ATP9A: variants seen among roughly 807,000 people sequenced by gnomAD.
ATP9A encodes the protein ATPase phospholipid transporting 9A, also known as probable phospholipid-transporting ATPase IIA.
ATP9A carries 52 observed loss-of-function variants against 144.1 expected under a neutral mutation model. That is an observed-to-expected ratio of 0.36 (90% CI 0.29 to 0.45). ATP9A has a LOEUF of 0.45. Among genes scored for constraint, ATP9A ranks in the 20% least tolerant of loss-of-function variants. The pLI is 1.00. For missense variants in ATP9A, 947 were observed against 1,392.7 expected (o/e 0.68, Z 5.09); for synonymous variants, 582 against 557.4 (o/e 1.04, Z -0.62).
At chr20:51,725,955 AG>A (rs771680911) in intron 2 of ATP9A, 23 bp from the exon 3 acceptor site, 114 of 1,369,486 alleles carry the variant, frequency 8.3e-5, no homozygotes, top group Middle Eastern at 3.6e-4. Flanking sequence ...GAGACAACAG[AG>A]AAAGACATTC....
At chr20:51,749,289 G>A (rs1021662987) in intron 1 of ATP9A, among the ~76,000 whole-genome samples, 1 of 151,934 alleles carries the variant, frequency 6.6e-6, no homozygotes, top group African/African-American at 2.4e-5. Flanking sequence ...TTGAGACGGA[G>A]TCTCACTCCG....
chr20:51,704,657 G>A lies in ATP9A; in HGVS notation c.437-7175C>T, dbSNP rs1057077587. Among the ~76,000 whole-genome samples the A allele has an allele frequency of 4.6e-5, 7 of 152,276 alleles. No individual in the cohort carries two copies. The South Asian group carries it at 8.3e-4, about 18-fold the overall frequency. On this transcript the variant is annotated intron_variant, in intron 4 of 27. Coordinates refer to ENST00000338821, the MANE Select transcript of ATP9A (RefSeq NM_006045.3). Reference sequence around the variant, plus strand: ...TAGCTGGGCATGGTGGCACATGCCTGTAATCCCAGCTACTCGGGAGGCTGA... The same window carrying A: ...TAGCTGGGCATGGTGGCACATGCCTATAATCCCAGCTACTCGGGAGGCTGA...
At chr20:51,748,750 A>C (rs2077818616) in intron 1 of ATP9A, among the ~76,000 whole-genome samples, 1 of 152,134 alleles carries the variant, frequency 6.6e-6, no homozygotes. Flanking sequence ...GGGCACAAAG[A>C]CTTGTGTGAC....
intron 8 of ATP9A, 21 bp downstream of exon 8, chr20:51,690,718 A>C (rs934288163): frequency 5.6e-6 from 9 of 1,597,568 alleles, no homozygotes; most frequent in Non-Finnish European, 7.7e-6. Flanking sequence ...ACAGGATCCC[A>C]TGTGAAGGAA....
At position 51,734,803 on chromosome 20, in the gene ATP9A, G is replaced by A. The variant is rs6063705; in HGVS notation, c.69-4825C>T. 2.3e-5 allele frequency: 5 copies of A among 215,782 alleles called. No homozygotes were observed. The South Asian group carries it at 4.0e-4, about 17-fold the overall frequency. 13.4% of individuals were successfully genotyped at this position (215,782 alleles called of 1,614,324 possible). A position where few individuals can be genotyped will look rare whatever the true frequency, so the allele number is the denominator to read the frequency against. ...CAGGCCAACACCACCAAGGCCCTGA[G>A]TGCACACGCCGAGGCTATCAAGACC... On this transcript the variant is annotated intron_variant, in intron 1 of 27. Coordinates refer to ENST00000338821, the MANE Select transcript of ATP9A (RefSeq NM_006045.3).
intron 26 of ATP9A, among the ~76,000 whole-genome samples, chr20:51,605,579 C>T (rs184122836): frequency 3.8e-4 from 58 of 152,300 alleles, no homozygotes; most frequent in African/African-American, 1.2e-3. Flanking sequence ...GATTGTACCA[C>T]TGCACTCCAG....
chr20:51,676,243 G>C (rs754929951), intron 9 of ATP9A, 35 bp from the exon 10 acceptor site: 236 of 1,456,868 alleles, frequency 1.6e-4, no homozygotes, highest in Non-Finnish European at 2.0e-4. Context: ...AAAAAGAAAA[G>C]AAATATTAAT....
At chr20:51,612,473 G>GT (rs776356275) in intron 23 of ATP9A, among the ~76,000 whole-genome samples, 5 of 152,198 alleles carry the variant, frequency 3.3e-5, no homozygotes, top group Non-Finnish European at 5.9e-5. Context: ...TGCCCAGGCT[G>GT]GAGTGCAGTG....
chr20:51,766,553 C>A (rs1464998317), intron 1 of ATP9A, among the ~76,000 whole-genome samples: 1 of 152,086 alleles, frequency 6.6e-6, no homozygotes, highest in African/African-American at 2.4e-5. Context: ...ATCATTAAAA[C>A]GAAGGAGGCC....
intron 13 of ATP9A, among the ~76,000 whole-genome samples, chr20:51,658,287 C>T (rs151019811): frequency 1.2e-4 from 18 of 152,230 alleles, no homozygotes; most frequent in African/African-American, 4.3e-4. Flanking sequence ...TGGTAAAACC[C>T]TGTCTCTACA....
chr20:51,690,633 G>A, intron 8 of ATP9A, 106 bp downstream of exon 8: 2 of 946,516 alleles, frequency 2.1e-6, no homozygotes, highest in Non-Finnish European at 3.4e-6. Context: ...GTCCCCACCT[G>A]GCATGAAACA....
chr20:51,654,205 C>T (rs912275662), intron 14 of ATP9A, among the ~76,000 whole-genome samples: 1 of 152,134 alleles, frequency 6.6e-6, no homozygotes, highest in Non-Finnish European at 1.5e-5. Flanking sequence ...CACGGATGAA[C>T]TGGGTTTTAT....
intron 2 of ATP9A, among the ~76,000 whole-genome samples, chr20:51,728,960 T>C (rs991311742): frequency 6.6e-6 from 1 of 152,224 alleles, no homozygotes; most frequent in African/African-American, 2.4e-5. Context: ...TTTATGTGCA[T>C]GTTGGGGAGA....
In ATP9A at chr20:51,707,165, G is replaced by A. The variant is rs371906883; in HGVS notation, c.436+5801C>T. Among the ~76,000 whole-genome samples, 25 of 152,214 alleles carry A rather than the reference G, an allele frequency of 1.6e-4. 3 individuals carry two copies. Among genetic ancestry groups the A allele is most frequent in the Admixed American group, 3.3e-4 (5 of 15,282 alleles). On this transcript the variant is annotated intron_variant, in intron 4 of 27. Coordinates refer to ENST00000338821, the MANE Select transcript of ATP9A (RefSeq NM_006045.3). The stretch of plus-strand genomic sequence containing the variant: ...CTGGCCTGAGTTCCATGTTCAGGTG[G>A]GTCCCGTACTTGGTTTAATGCCCTG...
At chr20:51,687,885 A>G (rs768229234) in intron 9 of ATP9A, among the ~76,000 whole-genome samples, 2 of 152,212 alleles carry the variant, frequency 1.3e-5, no homozygotes, top group Non-Finnish European at 2.9e-5. Flanking sequence ...GAAAAAATTG[A>G]TTCATCTAAT....
chr20:51,721,641 A>T (rs2077689614), intron 3 of ATP9A, among the ~76,000 whole-genome samples: 1 of 151,870 alleles, frequency 6.6e-6, no homozygotes, highest in Non-Finnish European at 1.5e-5. Flanking sequence ...TCTACTAAAA[A>T]TACAAAAAAA....
chr20:51,703,213 T>C (rs1007537447), intron 4 of ATP9A, among the ~76,000 whole-genome samples: 3 of 152,146 alleles, frequency 2.0e-5, no homozygotes, highest in Admixed American at 6.5e-5. Flanking sequence ...TCCCACAAAT[T>C]ATGTAGCTGG....
At chr20:51,727,364 T>C (rs548253044) in intron 2 of ATP9A, among the ~76,000 whole-genome samples, 21 of 151,246 alleles carry the variant, frequency 1.4e-4, no homozygotes, top group Non-Finnish European at 2.4e-4. Context: ...GGTTGGCAAA[T>C]GGCTTGAGCT....
intron 13 of ATP9A, among the ~76,000 whole-genome samples, chr20:51,658,782 AGTGCCGGGATTACAGGTGTGAGCCACC>A (rs1427697283): frequency 2.0e-5 from 3 of 149,996 alleles, no homozygotes; most frequent in Non-Finnish European, 4.4e-5. Context: ...GGCCTCCCAA[AGTGCCGGGATTACAGGTGTGAGCCACC>A]GTGCCCGACC....
Sources: gnomAD v4.1 joint callset for allele counts (sites outside exome capture counted in the v4.1 genomes callset) on GRCh38, gnomAD v4.1.1 for gene constraint, MANE v1.5 for transcripts, NCBI Gene and HGNC (gene_info 2026-07-23, HGNC 2026-07-21) for gene names.